The following GFI1 variants were observed in gnomAD, a reference collection of about 807,000 sequenced individuals.
GFI1 encodes the protein zinc finger protein Gfi-1.
In GFI1, 15 loss-of-function variants were observed where a neutral mutation model predicts 39.2. The observed-to-expected ratio is 0.38, with a 90% CI of 0.26 to 0.59. The LOEUF is 0.59. Ranked by LOEUF, GFI1 falls within the 20% of genes least tolerant of loss-of-function variation. The probability of loss-of-function intolerance (pLI) is 0.62; values close to 1 mark genes in which losing one functional copy is unlikely to be tolerated. For missense variants in GFI1, 475 were observed against 574.0 expected (o/e 0.83, Z 1.76); for synonymous variants, 239 against 254.3 (o/e 0.94, Z 0.57).
rs1384820854 is a variant in GFI1, at chr1:92,474,172, GC to G, written c.*1856del. Among the ~76,000 whole-genome samples the G allele has an allele frequency of 6.6e-6, 1 of 152,196 alleles. No individual in the cohort carries two copies. Among genetic ancestry groups the G allele is most frequent in the Non-Finnish European group, 1.5e-5 (1 of 68,036 alleles). On this transcript the variant is annotated 3_prime_UTR_variant, in exon 7 of 7. Transcript: ENST00000294702. ...CCAGAAATAACCCAGATCCTCATGG[GC>G]CTTTAGATTTGTGACTTGCATTAGG...
intron 5 of GFI1, among the ~76,000 whole-genome samples, chr1:92,479,830 G>T (rs889111957): frequency 2.0e-5 from 3 of 152,000 alleles, no homozygotes; most frequent in African/African-American, 7.3e-5. Flanking sequence ...TCCAGCCTGG[G>T]CAACAGAGCC....
Position 92,475,885 on chromosome 1 carries a change from A to G in GFI1, c.*144T>C. On this transcript the variant is annotated 3_prime_UTR_variant, in exon 7 of 7. Transcript: ENST00000294702. ...GCTCCAGGAGGTAAGGCGAAGGAGGAGCAACCTGGTAGGATCTGCAGACTG... is the reference window on the plus strand; with the variant it reads ...GCTCCAGGAGGTAAGGCGAAGGAGGGGCAACCTGGTAGGATCTGCAGACTG... The G allele has an allele frequency of 2.7e-6, 2 of 747,150 alleles. No individual in the cohort carries two copies. Among genetic ancestry groups the G allele is most frequent in the Non-Finnish European group, 2.3e-6 (1 of 433,870 alleles). The allele number at this position is 747,150 out of a possible 1,614,324, so 46.3% of individuals were successfully genotyped here. A position where few individuals can be genotyped will look rare whatever the true frequency, so the allele number is the denominator to read the frequency against.
chr1:92,479,154 C>T (rs1041407279), intron 5 of GFI1, among the ~76,000 whole-genome samples: 1 of 152,228 alleles, frequency 6.6e-6, no homozygotes, highest in African/African-American at 2.4e-5. Context: ...GCGTGAGCCA[C>T]CGTGCCTGGC....
intron 2 of GFI1, 90 bp from the exon 3 acceptor site, chr1:92,483,136 C>G: frequency 8.1e-7 from 1 of 1,236,458 alleles, no homozygotes; most frequent in Non-Finnish European, 1.1e-6. Flanking sequence ...ACCAGGGCAG[C>G]CGAGCGTCTT....
rs769776057 is a variant in GFI1 at position 92,476,059 on chromosome 1, C to T, written c.1239G>A (p.Arg413=). Residue 413 remains arginine (R), a synonymous_variant, in exon 7 of 7, where the codon AGG becomes AGA. Transcript: ENST00000294702. ...TGAGCCCATGCTGCGTCTCCCGGTGCCTTCGGAGGTCCACCTTCCTCTGGA... is the reference window on the plus strand; with the variant it reads ...TGAGCCCATGCTGCGTCTCCCGGTGTCTTCGGAGGTCCACCTTCCTCTGGA... ...KGFQRKVDLR[R]HRETQHGLK The T allele has an allele frequency of 6.9e-5, 112 of 1,613,998 alleles. 2 individuals are homozygous for T. The Admixed American group carries it at 1.5e-3, about 22-fold the overall frequency.
rs781010030 is a variant in GFI1 at position 92,481,137 on chromosome 1, G to A, written c.299-49C>T. ...CCGGTCAGGCTTCAGACGGCAGAGCGGAGGCCGCCGGGCTGCGGCTGCGAG... is the reference window on the plus strand; with the variant it reads ...CCGGTCAGGCTTCAGACGGCAGAGCAGAGGCCGCCGGGCTGCGGCTGCGAG... On this transcript the variant is annotated intron_variant, in intron 3 of 6. Transcript: ENST00000294702. This position sits in a 1 kb window ranked among gnomAD's most constrained non-coding sequence, Gnocchi z 4.3. 12 of 1,514,608 alleles carry A rather than the reference G, an allele frequency of 7.9e-6. No individual in the cohort carries two copies. The South Asian group carries it at 1.4e-4, about 18-fold the overall frequency. The allele number at this position is 1,514,608 out of a possible 1,614,324, so 93.8% of individuals were successfully genotyped here.
rs781010030 is a variant in GFI1, at chr1:92,481,137, G to T, written c.299-49C>A. The stretch of plus-strand genomic sequence containing the variant: ...CCGGTCAGGCTTCAGACGGCAGAGC[G>T]GAGGCCGCCGGGCTGCGGCTGCGAG... On this transcript the variant is annotated intron_variant, in intron 3 of 6. Coordinates refer to ENST00000294702, the MANE Select transcript of GFI1 (RefSeq NM_005263.5). This position sits in a 1 kb window ranked among gnomAD's most constrained non-coding sequence, Gnocchi z 4.3. 6.6e-7 allele frequency: 1 copy of T among 1,514,608 alleles called. No homozygotes were observed. Among genetic ancestry groups the T allele is most frequent in the South Asian group, 1.2e-5 (1 of 86,532 alleles). 93.8% of individuals were successfully genotyped at this position (1,514,608 alleles called of 1,614,324 possible). A position where few individuals can be genotyped will look rare whatever the true frequency, so the allele number is the denominator to read the frequency against.
At position 92,480,568 on chromosome 1, in the gene GFI1, C is replaced by T. The variant is rs1471781959; in HGVS notation, c.786+33G>A. On this transcript the variant is annotated intron_variant, in intron 4 of 6. Transcript: ENST00000294702. This position sits in a 1 kb window ranked among gnomAD's most constrained non-coding sequence, Gnocchi z 5.6. The stretch of plus-strand genomic sequence containing the variant: ...GGCGCGGGTAGGGGAAGCGGGCGCA[C>T]GGCAGGCGAGGTGGTGAGCTCGGGA... 2 of 1,540,762 alleles carry T rather than the reference C, an allele frequency of 1.3e-6. No individual in the cohort carries two copies. Among genetic ancestry groups the T allele is most frequent in the Admixed American group, 2.0e-5 (1 of 50,974 alleles).
At chr1:92,477,366 G>T (rs1658023571) in intron 6 of GFI1, among the ~76,000 whole-genome samples, 1 of 152,226 alleles carries the variant, frequency 6.6e-6, no homozygotes, top group African/African-American at 2.4e-5. Flanking sequence ...AAGAGGGAAT[G>T]ATTAAAGTAG....
At position 92,480,084 on chromosome 1, in the gene GFI1, C is replaced by T. The variant is rs1421399444; in HGVS notation, c.924+264G>A. 6.6e-6 allele frequency among the ~76,000 whole-genome samples: 1 copy of T among 152,140 alleles called. No homozygotes were observed. The highest frequency in any genetic ancestry group is 2.4e-5 in the African/African-American group (1 of 41,412). ...CAGTGCATACAAACCTACCTCAAGC[C>T]CAAAGTAACAATGAGGATCACACTC... On this transcript the variant is annotated intron_variant, in intron 5 of 6. Coordinates refer to ENST00000294702, the MANE Select transcript of GFI1 (RefSeq NM_005263.5). This position sits in a 1 kb window ranked among gnomAD's most constrained non-coding sequence, Gnocchi z 5.6.
chr1:92,480,865 G>C lies in GFI1; in HGVS notation c.522C>G (p.Ala174=), dbSNP rs774147389. 2.1e-6 allele frequency: 3 copies of C among 1,459,952 alleles called. No homozygotes were observed. The highest frequency in any genetic ancestry group is 1.8e-6 in the Non-Finnish European group (2 of 1,111,746). 90.4% of individuals were successfully genotyped at this position (1,459,952 alleles called of 1,614,324 possible). A position where few individuals can be genotyped will look rare whatever the true frequency, so the allele number is the denominator to read the frequency against. Residue 174 remains alanine (A), a synonymous_variant, in exon 4 of 7, where the codon GCC becomes GCG. Transcript: ENST00000294702. The surrounding 1 kb of genome is among the most constrained non-coding windows in gnomAD (Gnocchi z 5.6). ...CTGGCGCCCCGGCCCCCGCGCCGCCGGCAGCCCGCTTCGGGCCGTACAGCG... is the reference window on the plus strand; with the variant it reads ...CTGGCGCCCCGGCCCCCGCGCCGCCCGCAGCCCGCTTCGGGCCGTACAGCG... ...PAALYGPKRA[A]GGAGAGAPGS...
Position 92,480,974 on chromosome 1 carries a change from C to T in GFI1, c.413G>A (p.Ser138Asn). ...CTCCAGGGCCCCACACGGTCGGTAG[C>T]TCTGCACCAGGTGCCGCAGGTCAGA... ...AGSDLRHLVQ[S>N]YRPCGALERG... The change falls in exon 4 of 7, where the codon AGC becomes AAC. Residue 138 changes from serine (S) to asparagine (N), a missense_variant. Physicochemically the swap from Ser to Asn is conservative, Grantham distance 46 (BLOSUM62 1). Transcript: ENST00000294702. This position sits in a 1 kb window ranked among gnomAD's most constrained non-coding sequence, Gnocchi z 5.6. 1 of 1,603,282 alleles carries T rather than the reference C, an allele frequency of 6.2e-7. No individual in the cohort carries two copies. Among genetic ancestry groups the T allele is most frequent in the South Asian group, 1.1e-5 (1 of 89,510 alleles).
intron 2 of GFI1, 41 bp from the exon 3 acceptor site, chr1:92,483,087 G>A: frequency 6.5e-7 from 1 of 1,528,188 alleles, no homozygotes; most frequent in East Asian, 2.3e-5. Context: ...GCTGGGACCG[G>A]TTGAGTCTGA....
At position 92,478,570 on chromosome 1, in the gene GFI1, A is replaced by C; in HGVS notation, c.1090+18T>G. On this transcript the variant is annotated intron_variant, in intron 6 of 6. Coordinates refer to ENST00000294702, the MANE Select transcript of GFI1 (RefSeq NM_005263.5). Reference sequence around the variant, plus strand: ...GCCTCAGGGTGTTTCCTACAAGCCAAGGGCCTTTTTAGCTCACCAGTGTGG... The same window carrying C: ...GCCTCAGGGTGTTTCCTACAAGCCACGGGCCTTTTTAGCTCACCAGTGTGG... 6.2e-7 allele frequency: 1 copy of C among 1,612,058 alleles called. No individual in the cohort carries two copies. Among genetic ancestry groups the C allele is most frequent in the Non-Finnish European group, 8.5e-7 (1 of 1,178,154 alleles).
chr1:92,484,735 CG>C lies in GFI1; in HGVS notation c.-99-1150del. On this transcript the variant is annotated intron_variant, in intron 1 of 6. Transcript: ENST00000294702. The surrounding 1 kb of genome is among the most constrained non-coding windows in gnomAD (Gnocchi z 4.1). ...CCTGCCGCTAGGCTCCAGCCGGCTC[CG>C]GGGGCGGTACCCCACAGTCGAGGTG... 1 of 152,560 alleles carries C rather than the reference CG, an allele frequency of 6.6e-6. No homozygotes were observed. The highest frequency in any genetic ancestry group is 1.5e-5 in the Non-Finnish European group (1 of 68,248). The allele number at this position is 152,560 out of a possible 1,614,324, so 9.5% of individuals were successfully genotyped here.
At position 92,481,234 on chromosome 1, in the gene GFI1, C is replaced by T. The variant is rs1658236947; in HGVS notation, c.299-146G>A. On this transcript the variant is annotated intron_variant, in intron 3 of 6. Transcript: ENST00000294702. This position sits in a 1 kb window ranked among gnomAD's most constrained non-coding sequence, Gnocchi z 4.3. The stretch of plus-strand genomic sequence containing the variant: ...TGCGTGCGCCAGGTGCCAGGCTCGC[C>T]CCAGGGTAAAACGTGGCCCGGGCCC... The T allele has an allele frequency of 3.9e-6, 3 of 772,536 alleles. No individual in the cohort carries two copies. Among genetic ancestry groups the T allele is most frequent in the Admixed American group, 2.1e-5 (1 of 48,564 alleles). 47.9% of individuals were successfully genotyped at this position (772,536 alleles called of 1,614,324 possible).
chr1:92,476,087 C>A lies in GFI1; in HGVS notation c.1211G>T (p.Gly404Val). 1 of 1,614,152 alleles carries A rather than the reference C, an allele frequency of 6.2e-7. No individual in the cohort carries two copies. The highest frequency in any genetic ancestry group is 8.5e-7 in the Non-Finnish European group (1 of 1,180,022). Residue 404 changes from glycine to valine, a missense_variant, in exon 7 of 7, where the codon GGT (glycine) becomes GTT (valine). Coordinates refer to ENST00000294702, the MANE Select transcript of GFI1 (RefSeq NM_005263.5). ...KPFGCDLCGK[G>V]FQRKVDLRRH... ...TCGGAGGTCCACCTTCCTCTGGAAA[C>A]CCTTCCCACAGAGGTCGCAGCCGAA...
chr1:92,480,324 C>T lies in GFI1; in HGVS notation c.924+24G>A. Reference sequence around the variant, plus strand: ...CAGAAGATCCCCGAGCAGGGCCGCGCGCGGCGGTGCGCCCCGCGCTTACCT... The same window carrying T: ...CAGAAGATCCCCGAGCAGGGCCGCGTGCGGCGGTGCGCCCCGCGCTTACCT... On this transcript the variant is annotated intron_variant, in intron 5 of 6. Transcript: ENST00000294702. This position sits in a 1 kb window ranked among gnomAD's most constrained non-coding sequence, Gnocchi z 5.6. 6.5e-7 allele frequency: 1 copy of T among 1,544,334 alleles called. No homozygotes were observed. The highest frequency in any genetic ancestry group is 1.9e-4 in the Middle Eastern group (1 of 5,140).
Position 92,474,986 on chromosome 1 carries a change from A to G in GFI1, c.*1043T>C, listed in dbSNP as rs1423325597. ...ATCTTTAAAATATCAGCTTAACAATAAAAAACTGAATATACACACATATCT... is the reference window on the plus strand; with the variant it reads ...ATCTTTAAAATATCAGCTTAACAATGAAAAACTGAATATACACACATATCT... On this transcript the variant is annotated 3_prime_UTR_variant, in exon 7 of 7. Transcript: ENST00000294702. 1.3e-5 allele frequency: 2 copies of G among 152,184 alleles called. No homozygotes were observed. Among genetic ancestry groups the G allele is most frequent in the East Asian group, 1.9e-4 (1 of 5,198 alleles). 9.4% of individuals were successfully genotyped at this position (152,184 alleles called of 1,614,324 possible).
Sources: gnomAD v4.1 joint callset for allele counts (sites outside exome capture counted in the v4.1 genomes callset) on GRCh38, gnomAD v4.1.1 for gene constraint, Gnocchi (gnomAD v3.1) non-coding constraint, MANE v1.5 for transcripts, NCBI Gene and HGNC (gene_info 2026-07-23, HGNC 2026-07-21) for gene names.